CRACD: variants seen among roughly 807,000 people sequenced by gnomAD.
The protein encoded by CRACD is capping protein inhibiting regulator of actin dynamics.
Under a neutral mutation model 106.8 loss-of-function variants are expected in CRACD, and 56 were observed. The observed-to-expected ratio is 0.52, with a 90% confidence interval of 0.42 to 0.66. CRACD has a LOEUF of 0.66. Among genes scored for constraint, CRACD ranks in the 30% least tolerant of loss-of-function variants. The pLI is 0.00. For missense variants in CRACD, 1,730 were observed against 1,623.2 expected, an observed-to-expected ratio of 1.07 and a Z score of -1.13; for synonymous variants, 754 against 670.8, an observed-to-expected ratio of 1.12 and a Z score of -1.92.
chr4:56,213,007 C>T (rs1012039629), intron 2 of CRACD, among the ~76,000 whole-genome samples: 32 of 152,318 alleles, frequency 2.1e-4, no homozygotes, highest in African/African-American at 7.2e-4. Context: ...TACCGTGCCC[C>T]AGTTGCTGCA....
chr4:56,107,327 C>G (rs545442804), intron 1 of CRACD, among the ~76,000 whole-genome samples: 2 of 152,280 alleles, frequency 1.3e-5, no homozygotes, highest in African/African-American at 4.8e-5. Context: ...TATCAGCAAT[C>G]TTAGTGCCTT....
At chr4:56,152,628 G>A (rs184027527) in intron 1 of CRACD, among the ~76,000 whole-genome samples, 11 of 152,190 alleles carry the variant, frequency 7.2e-5, no homozygotes, top group African/African-American at 2.4e-4. Flanking sequence ...GCACCCAGGA[G>A]TTCAAGGGTG....
intron 4 of CRACD, among the ~76,000 whole-genome samples, chr4:56,306,949 C>G (rs1357250290): frequency 1.3e-5 from 2 of 152,186 alleles, no homozygotes; most frequent in Non-Finnish European, 2.9e-5. Flanking sequence ...CTGGGGCCTT[C>G]TTTGCCTTGG....
intron 3 of CRACD, among the ~76,000 whole-genome samples, chr4:56,297,408 T>C (rs1336372862): frequency 6.6e-6 from 1 of 152,008 alleles, no homozygotes; most frequent in East Asian, 1.9e-4. Context: ...CTGGGTAACA[T>C]AGCAAGACCC....
At chr4:56,065,239 T>C (rs751822884) in intron 1 of CRACD, among the ~76,000 whole-genome samples, 4 of 152,010 alleles carry the variant, frequency 2.6e-5, no homozygotes, top group Non-Finnish European at 4.4e-5. Flanking sequence ...AGGCTCATGC[T>C]ACCATGCCCA....
rs58423475 is a variant in CRACD at position 56,207,745 on chromosome 4, CATATATATATATATAT to C, written c.-189+28334_-189+28349del. 6.4e-4 allele frequency among the ~76,000 whole-genome samples: 68 copies of C among 106,170 alleles called. 1 individual carries two copies. Among genetic ancestry groups the C allele is most frequent in the African/African-American group, 1.2e-3 (30 of 25,186 alleles). 69.7% of individuals were successfully genotyped at this position (106,170 alleles called of 152,430 possible). Reference sequence around the variant, plus strand: ...GATACATTTTTAAAACTTGTTTTCTCATATATATATATATATATATATATATATATATATGCTTATT... The same window carrying C: ...GATACATTTTTAAAACTTGTTTTCTCATATATATATATATATATGCTTATT... On this transcript the variant is annotated intron_variant, in intron 2 of 10. Coordinates refer to ENST00000682029, the MANE Select transcript of CRACD (RefSeq NM_001393381.1).
At chr4:56,317,371 T>G (rs1745745842) in intron 8 of CRACD, among the ~76,000 whole-genome samples, 1 of 152,208 alleles carries the variant, frequency 6.6e-6, no homozygotes, top group South Asian at 2.1e-4. Flanking sequence ...TTACTTCTCA[T>G]TCTTTCAAAT....
chr4:56,204,909 C>T (rs1449226464), intron 2 of CRACD, among the ~76,000 whole-genome samples: 3 of 152,124 alleles, frequency 2.0e-5, no homozygotes, highest in Non-Finnish European at 4.4e-5. Context: ...CCTGTAATCT[C>T]AGCACTTTGG....
intron 1 of CRACD, among the ~76,000 whole-genome samples, chr4:56,106,688 T>C (rs1179684646): frequency 6.6e-6 from 1 of 152,226 alleles, no homozygotes; most frequent in African/African-American, 2.4e-5. Flanking sequence ...TTCTTTTTCC[T>C]TGGTTCCTCT....
chr4:56,116,430 G>A (rs1734280531), intron 1 of CRACD, among the ~76,000 whole-genome samples: 1 of 152,162 alleles, frequency 6.6e-6, no homozygotes, highest in Non-Finnish European at 1.5e-5. Flanking sequence ...TAATGGAGAT[G>A]CACTTCAATG....
chr4:56,303,992 C>G (rs1189123353), intron 4 of CRACD, among the ~76,000 whole-genome samples: 1 of 152,226 alleles, frequency 6.6e-6, no homozygotes, highest in African/African-American at 2.4e-5. Context: ...AAGATGCACA[C>G]TTTCATTCTA....
chr4:56,198,480 A>G (rs1737728443), intron 2 of CRACD, among the ~76,000 whole-genome samples: 1 of 152,222 alleles, frequency 6.6e-6, no homozygotes, highest in African/African-American at 2.4e-5. Flanking sequence ...TTAGTATGGA[A>G]ATATTAATAG....
At chr4:56,203,349 C>A (rs918348115) in intron 2 of CRACD, among the ~76,000 whole-genome samples, 5 of 152,172 alleles carry the variant, frequency 3.3e-5, no homozygotes, top group African/African-American at 1.2e-4. Context: ...AGTGACTCCT[C>A]ACAATATACT....
intron 2 of CRACD, among the ~76,000 whole-genome samples, chr4:56,183,285 T>TAAAATAAAATA (rs1736931242): frequency 4.2e-4 from 60 of 143,598 alleles, no homozygotes; most frequent in African/African-American, 1.6e-3. Context: ...TAAAATAAAA[T>TAAAATAAAATA]AAAAAGAATT....
chr4:56,256,887 G>A (rs575572633), intron 2 of CRACD, among the ~76,000 whole-genome samples: 14 of 152,112 alleles, frequency 9.2e-5, no homozygotes, highest in Admixed American at 4.6e-4. Context: ...GGAAGGGAGT[G>A]GGGGTCAGTC....
At chr4:56,308,503 C>A (rs1744906453) in intron 5 of CRACD, among the ~76,000 whole-genome samples, 1 of 151,546 alleles carries the variant, frequency 6.6e-6, no homozygotes, top group Admixed American at 6.6e-5. Flanking sequence ...AAAAAAAAAA[C>A]CCATTCTCTA....
At position 56,327,883 on chromosome 4, in the gene CRACD, G is replaced by A. The variant is rs1746562080; in HGVS notation, c.*79G>A. Reference sequence around the variant, plus strand: ...TTTATTTATTTATTTTTTATATGGGGTAAAGAAATCAAGCTAGGGAAAAGA... The same window carrying A: ...TTTATTTATTTATTTTTTATATGGGATAAAGAAATCAAGCTAGGGAAAAGA... On this transcript the variant is annotated 3_prime_UTR_variant, in exon 11 of 11. Coordinates refer to ENST00000682029, the MANE Select transcript of CRACD (RefSeq NM_001393381.1). 2 of 1,270,584 alleles carry A rather than the reference G, an allele frequency of 1.6e-6. No homozygotes were observed. The highest frequency in any genetic ancestry group is 2.2e-6 in the Non-Finnish European group (2 of 909,596). The allele number at this position is 1,270,584 out of a possible 1,614,324, so 78.7% of individuals were successfully genotyped here. A position where few individuals can be genotyped will look rare whatever the true frequency, so the allele number is the denominator to read the frequency against.
Position 56,330,240 on chromosome 4 carries a change from T to C in CRACD, c.*2436T>C, listed in dbSNP as rs770929333. 4.6e-5 allele frequency among the ~76,000 whole-genome samples: 7 copies of C among 152,130 alleles called. No individual in the cohort carries two copies. The highest frequency in any genetic ancestry group is 7.2e-5 in the African/African-American group (3 of 41,540). On this transcript the variant is annotated 3_prime_UTR_variant, in exon 11 of 11. Coordinates refer to ENST00000682029, the MANE Select transcript of CRACD (RefSeq NM_001393381.1). ...ACATACACTTCTCCTGGCAAGGTTA[T>C]AGATGATTAACCTCTGTTCATAGAC...
intron 2 of CRACD, among the ~76,000 whole-genome samples, chr4:56,190,523 TC>T (rs1737323961): frequency 6.6e-6 from 1 of 152,232 alleles, no homozygotes; most frequent in Non-Finnish European, 1.5e-5. Flanking sequence ...TTTGGGCGAT[TC>T]TGAATTAAAC....
Sources: allele counts gnomAD v4.1 joint callset (sites outside exome capture counted in the v4.1 genomes callset), GRCh38; gene constraint gnomAD v4.1.1; transcripts MANE v1.5; gene names NCBI Gene and HGNC (gene_info 2026-07-23, HGNC 2026-07-21).